Variants in TLE3 observed in about 807,000 individuals in gnomAD.
TLE3 encodes the protein transducin-like enhancer protein 3.
Under a neutral mutation model 93.0 loss-of-function variants are expected in TLE3, and 14 were observed. The observed-to-expected ratio is 0.15, with a 90% CI of 0.10 to 0.24. The LOEUF is 0.24. Ranked by LOEUF, TLE3 falls within the 10% of genes least tolerant of loss-of-function variation. The probability of loss-of-function intolerance (pLI) is 1.00; values close to 1 mark genes in which losing one functional copy is unlikely to be tolerated. For missense variants in TLE3, 693 were observed against 1,046.6 expected (o/e 0.66, Z 4.66); for synonymous variants, 451 against 425.0 (o/e 1.06, Z -0.75).
At chr15:70,054,902 A>G in intron 15 of TLE3, 147 bp downstream of exon 15, 2 of 1,298,478 alleles carry the variant, frequency 1.5e-6, no homozygotes, top group Non-Finnish European at 2.1e-6. Flanking sequence ...AGAAGGCACA[A>G]CTGAGGCTCA....
chr15:70,059,656 C>T (rs943597554), intron 9 of TLE3, among the ~76,000 whole-genome samples, 196 bp from the exon 10 acceptor site: 1 of 152,206 alleles, frequency 6.6e-6, no homozygotes, highest in African/African-American at 2.4e-5. Flanking sequence ...TGAGGCTGTC[C>T]CCTAGCCCAG....
chr15:70,072,059 T>C (rs1363641547), intron 6 of TLE3, among the ~76,000 whole-genome samples: 2 of 152,224 alleles, frequency 1.3e-5, no homozygotes, highest in Non-Finnish European at 2.9e-5. Flanking sequence ...GGCGCAGCGA[T>C]TAGACGGCTG....
At chr15:70,057,726 C>T in intron 12 of TLE3, 68 bp from the exon 13 acceptor site, 3 of 1,514,804 alleles carry the variant, frequency 2.0e-6, no homozygotes, top group Non-Finnish European at 2.7e-6. Context: ...CCGCCTCACC[C>T]AGCAATAACC....
intron 19 of TLE3, chr15:70,050,977 G>C (rs1254892972): frequency 6.1e-6 from 1 of 165,108 alleles, no homozygotes; most frequent in African/African-American, 2.4e-5. Context: ...TGCTGGTGCT[G>C]AATGCAGGTG....
chr15:70,051,619 C>A, intron 18 of TLE3, 152 bp from the exon 19 acceptor site: 3 of 316,614 alleles, frequency 9.5e-6, no homozygotes, highest in Admixed American at 9.6e-5. Context: ...GCAAATGGGA[C>A]ATGCGGACAC....
chr15:70,066,036 G>T lies in TLE3; in HGVS notation c.555C>A (p.Asn185Lys). Reference sequence around the variant, plus strand: ...CACCTCTGTGATCGAGTTCATGGTGGTTCTTCTCATCCTTCACCGTCAGAT... The same window carrying T: ...CACCTCTGTGATCGAGTTCATGGTGTTTCTTCTCATCCTTCACCGTCAGAT... ...QAHLTVKDEK[N>K]HHELDHRERE... Residue 185 changes from asparagine to lysine, a missense_variant, in exon 7 of 20, where the codon AAC becomes AAA. Around this residue, in one of 4 missense-constraint regions of TLE3, gnomAD observed 405 missense variants for 468.9 expected, o/e 0.86. Transcript: ENST00000451782. 6.2e-7 allele frequency: 1 copy of T among 1,612,114 alleles called. No homozygotes were observed. The highest frequency in any genetic ancestry group is 8.5e-7 in the Non-Finnish European group (1 of 1,178,942).
In TLE3 at chr15:70,064,612, T is replaced by A. The variant is rs2056697737; in HGVS notation, c.578-142A>T. ...CTGGTTTTAAAATGAGCAGAAGGCCTGGATTGCTGTCTCCGTGGATCAGCC... is the reference window on the plus strand; with the variant it reads ...CTGGTTTTAAAATGAGCAGAAGGCCAGGATTGCTGTCTCCGTGGATCAGCC... On this transcript the variant is annotated intron_variant, in intron 7 of 19. Transcript: ENST00000451782. 3.4e-6 allele frequency: 4 copies of A among 1,173,540 alleles called. No homozygotes were observed. In the East Asian group the frequency reaches 7.7e-5, roughly 23 times the overall value. The allele number at this position is 1,173,540 out of a possible 1,614,324, so 72.7% of individuals were successfully genotyped here.
chr15:70,088,213 C>A (rs1022072568), intron 4 of TLE3, among the ~76,000 whole-genome samples: 2 of 152,202 alleles, frequency 1.3e-5, no homozygotes, highest in African/African-American at 2.4e-5. Flanking sequence ...TTCAGACTCT[C>A]CCATTACCTC....
At chr15:70,088,671 T>A (rs76744233) in intron 4 of TLE3, among the ~76,000 whole-genome samples, 1 of 152,182 alleles carries the variant, frequency 6.6e-6, no homozygotes, top group East Asian at 1.9e-4. Context: ...TTGAAAGCTA[T>A]TTTGCTGGCT....
chr15:70,086,816 G>GC (rs2058057527), intron 4 of TLE3, among the ~76,000 whole-genome samples: 1 of 152,026 alleles, frequency 6.6e-6, no homozygotes, highest in Non-Finnish European at 1.5e-5. Flanking sequence ...TGTCTCTTCC[G>GC]CATCTCTGCT....
chr15:70,060,160 C>A (rs1011675718), intron 9 of TLE3, among the ~76,000 whole-genome samples: 5 of 152,222 alleles, frequency 3.3e-5, no homozygotes, highest in African/African-American at 4.8e-5. Context: ...CTCAGGCCAA[C>A]TGAGAGGACT....
intron 6 of TLE3, among the ~76,000 whole-genome samples, chr15:70,069,442 A>G (rs1482247571): frequency 2.6e-5 from 4 of 152,210 alleles, no homozygotes; most frequent in African/African-American, 4.8e-5. Flanking sequence ...AAAGCTGTTA[A>G]GCTTCCAAGG....
chr15:70,070,241 T>C (rs890585411), intron 6 of TLE3, among the ~76,000 whole-genome samples: 1 of 152,212 alleles, frequency 6.6e-6, no homozygotes, highest in Non-Finnish European at 1.5e-5. Context: ...ACACAAGTGA[T>C]AAGCACCCAT....
chr15:70,078,170 G>A (rs1159352120), intron 4 of TLE3, among the ~76,000 whole-genome samples: 2 of 152,170 alleles, frequency 1.3e-5, no homozygotes, highest in Non-Finnish European at 2.9e-5. Flanking sequence ...AGTGGGAAGA[G>A]CTCTCCCAAA....
chr15:70,067,746 C>G (rs1038631253), intron 6 of TLE3, among the ~76,000 whole-genome samples: 1 of 152,232 alleles, frequency 6.6e-6, no homozygotes, highest in Middle Eastern at 3.2e-3. Context: ...AAGCTGCAAA[C>G]TGCCCACCTG....
At chr15:70,055,564 CCCTTT>C in intron 14 of TLE3, 1 of 390,268 alleles carries the variant, frequency 2.6e-6, no homozygotes. Context: ...TCCTGGAATG[CCCTTT>C]CCCACGATCC....
chr15:70,090,605 G>A (rs2058262507), intron 4 of TLE3, among the ~76,000 whole-genome samples: 1 of 152,154 alleles, frequency 6.6e-6, no homozygotes, highest in Non-Finnish European at 1.5e-5. Flanking sequence ...AGAAGATCCA[G>A]AGCGGGGAGG....
At chr15:70,052,065 G>A (rs1595854996) in intron 18 of TLE3, among the ~76,000 whole-genome samples, 2 of 152,198 alleles carry the variant, frequency 1.3e-5, no homozygotes, top group Admixed American at 1.3e-4. Flanking sequence ...AAAGCAAGTG[G>A]TTGTAACCAT....
chr15:70,078,992 C>T (rs2057602089), intron 4 of TLE3, among the ~76,000 whole-genome samples: 2 of 152,122 alleles, frequency 1.3e-5, no homozygotes, highest in Non-Finnish European at 2.9e-5. Flanking sequence ...AAACACGTGG[C>T]CAAAGGCTTC....
Sources: allele counts gnomAD v4.1 joint callset (sites outside exome capture counted in the v4.1 genomes callset), GRCh38; gene constraint gnomAD v4.1.1; regional missense constraint gnomAD v4.1.1; transcripts MANE v1.5; gene names NCBI Gene and HGNC (gene_info 2026-07-23, HGNC 2026-07-21).